The following CNR2 variants were observed in gnomAD, a reference collection of about 807,000 sequenced individuals.
The protein encoded by CNR2 is cannabinoid receptor 2.
For synonymous variants in CNR2, 172 were observed against 182.2 expected (o/e 0.94, Z 0.45); for missense variants, 379 against 439.9 (o/e 0.86, Z 1.24).
chr1:23,904,645 G>A (rs757738991), intron 1 of CNR2, among the ~76,000 whole-genome samples: 18 of 152,128 alleles, frequency 1.2e-4, no homozygotes, highest in Non-Finnish European at 2.1e-4. Flanking sequence ...GTCAGCCATC[G>A]GGAAGTATGC....
chr1:23,889,406 G>C (rs1356042411), intron 1 of CNR2, among the ~76,000 whole-genome samples: 1 of 152,184 alleles, frequency 6.6e-6, no homozygotes, highest in Admixed American at 6.5e-5. Context: ...GAGTAGGGAA[G>C]CCTAGGTTCT....
chr1:23,902,834 T>C, intron 1 of CNR2: 1 of 1,259,794 alleles, frequency 7.9e-7, no homozygotes. Context: ...CTGCCCGGCC[T>C]TCCTGCCCAC....
chr1:23,910,203 C>T (rs1353976476), intron 1 of CNR2, among the ~76,000 whole-genome samples: 1 of 148,626 alleles, frequency 6.7e-6, no homozygotes, highest in African/African-American at 2.5e-5. Context: ...TCAAGCTATC[C>T]TCCTGCCTGG....
At chr1:23,911,380 A>C (rs1467212801) in intron 1 of CNR2, among the ~76,000 whole-genome samples, 1 of 152,156 alleles carries the variant, frequency 6.6e-6, no homozygotes, top group Non-Finnish European at 1.5e-5. Context: ...CAGGCATGCC[A>C]GGGAAGTGGG....
At chr1:23,894,153 G>C (rs1640236831) in intron 1 of CNR2, among the ~76,000 whole-genome samples, 1 of 150,914 alleles carries the variant, frequency 6.6e-6, no homozygotes, top group Non-Finnish European at 1.5e-5. Flanking sequence ...GGGCACAGTG[G>C]CTCATGCCTG....
At chr1:23,887,665 C>T (rs943798834) in intron 1 of CNR2, among the ~76,000 whole-genome samples, 5 of 152,120 alleles carry the variant, frequency 3.3e-5, no homozygotes, top group African/African-American at 1.2e-4. Context: ...CTAGACAGGG[C>T]CTTTTTCCAG....
At chr1:23,898,484 G>A (rs1327713145) in intron 1 of CNR2, among the ~76,000 whole-genome samples, 1 of 149,332 alleles carries the variant, frequency 6.7e-6, no homozygotes, top group Non-Finnish European at 1.5e-5. Flanking sequence ...TGGGACTACA[G>A]GCGCCCACCA....
At chr1:23,901,404 A>C (rs1261960528) in intron 1 of CNR2, 2 of 1,360,760 alleles carry the variant, frequency 1.5e-6, no homozygotes, top group Non-Finnish European at 2.0e-6. Flanking sequence ...CATGGTGTCA[A>C]GAAGCAGTTA....
intron 1 of CNR2, among the ~76,000 whole-genome samples, chr1:23,911,314 T>C (rs1640579498): frequency 6.6e-6 from 1 of 152,068 alleles, no homozygotes; most frequent in Admixed American, 6.5e-5. Flanking sequence ...GGGTGATATA[T>C]CCTGGATGTC....
intron 1 of CNR2, chr1:23,902,545 C>T (rs549012728): frequency 6.2e-7 from 1 of 1,608,526 alleles, no homozygotes; most frequent in African/African-American, 1.3e-5. Flanking sequence ...GGCTCCACGT[C>T]TGGAATGTGA....
At chr1:23,902,004 G>A (rs1640408019) in intron 1 of CNR2, 4 of 1,604,710 alleles carry the variant, frequency 2.5e-6, no homozygotes, top group Non-Finnish European at 8.5e-7. Flanking sequence ...AAGATGGTGT[G>A]GGTCTCCTCC....
rs1469848796 is a variant in CNR2 at position 23,870,961 on chromosome 1, T to C, written c.*3574A>G. 6.6e-6 allele frequency: 1 copy of C among 152,088 alleles called. No individual in the cohort carries two copies. The highest frequency in any genetic ancestry group is 2.4e-5 in the African/African-American group (1 of 41,390). 9.4% of individuals were successfully genotyped at this position (152,088 alleles called of 1,614,324 possible). Reference sequence around the variant, plus strand: ...TGAAGTCAGGAGTTCAAGACCAGCCTGGCCAATATGGTGAAATTCCATCTC... The same window carrying C: ...TGAAGTCAGGAGTTCAAGACCAGCCCGGCCAATATGGTGAAATTCCATCTC... On this transcript the variant is annotated 3_prime_UTR_variant, in exon 2 of 2. Coordinates refer to ENST00000374472, the MANE Select transcript of CNR2 (RefSeq NM_001841.3).
intron 1 of CNR2, among the ~76,000 whole-genome samples, chr1:23,898,694 C>T (rs1258799289): frequency 3.1e-5 from 4 of 128,688 alleles, no homozygotes; most frequent in Non-Finnish European, 6.3e-5. Flanking sequence ...ACTCTGCTGC[C>T]CAGGCTGGAG....
chr1:23,889,084 T>A (rs3003322), intron 1 of CNR2, among the ~76,000 whole-genome samples: 1 of 151,984 alleles, frequency 6.6e-6, no homozygotes, highest in Non-Finnish European at 1.5e-5. Flanking sequence ...GCACTTCACA[T>A]AGGGAGCGTC....
rs1224463229 is a variant in CNR2 at position 23,874,781 on chromosome 1, C to T, written c.837G>A (p.Lys279=). The T allele has an allele frequency of 1.2e-6, 2 of 1,614,122 alleles. No individual in the cohort carries two copies. The highest frequency in any genetic ancestry group is 2.2e-5 in the East Asian group (1 of 44,872). The change falls in exon 2 of 2, where the codon AAG becomes AAA. Residue 279 remains lysine (K), a synonymous_variant. Coordinates refer to ENST00000374472, the MANE Select transcript of CNR2 (RefSeq NM_001841.3). ...LATTLSDQVK[K]AFAFCSMLCL... The stretch of plus-strand genomic sequence containing the variant: ...ACAGCATGGAGCAGAAAGCAAAGGC[C>T]TTCTTGACCTGGTCACTGAGCGTAG...
At chr1:23,889,197 C>T (rs1250480317) in intron 1 of CNR2, among the ~76,000 whole-genome samples, 3 of 152,056 alleles carry the variant, frequency 2.0e-5, no homozygotes, top group African/African-American at 7.2e-5. Context: ...AAAAGGTGTG[C>T]CTGGGGGTTT....
chr1:23,902,287 T>C, intron 1 of CNR2: 1 of 1,486,678 alleles, frequency 6.7e-7, no homozygotes, highest in Non-Finnish European at 9.2e-7. Context: ...CGCAGGGCCA[T>C]CTCGGCCTGT....
chr1:23,870,643 G>A lies in CNR2; in HGVS notation c.*3892C>T, dbSNP rs1021223412. ...CATAACCAAAATGTGAACCTGCAGG[G>A]ACAGGTGAGAGGCACTGATGTAGAG... On this transcript the variant is annotated 3_prime_UTR_variant, in exon 2 of 2. Coordinates refer to ENST00000374472, the MANE Select transcript of CNR2 (RefSeq NM_001841.3). 6.6e-6 allele frequency: 1 copy of A among 152,154 alleles called. No individual in the cohort carries two copies. The highest frequency in any genetic ancestry group is 1.5e-5 in the Non-Finnish European group (1 of 68,046). 9.4% of individuals were successfully genotyped at this position (152,154 alleles called of 1,614,324 possible).
intron 1 of CNR2, among the ~76,000 whole-genome samples, chr1:23,906,687 A>G (rs1173057800): frequency 2.6e-5 from 4 of 151,702 alleles, no homozygotes; most frequent in African/African-American, 9.7e-5. Context: ...CGGCCAATTC[A>G]TACTTCTTAA....
Sources: allele counts gnomAD v4.1 joint callset (sites outside exome capture counted in the v4.1 genomes callset), GRCh38; gene constraint gnomAD v4.1.1; transcripts MANE v1.5; gene names NCBI Gene and HGNC (gene_info 2026-07-23, HGNC 2026-07-21).